The following SNX24 variants were observed in gnomAD, a reference collection of about 807,000 sequenced individuals.
SNX24 encodes sorting nexin-24.
Under a neutral mutation model 28.7 loss-of-function variants are expected in SNX24, and 22 were observed. The ratio of observed to expected loss-of-function variants is 0.77; its 90% CI spans 0.55 to 1.10. The LOEUF (loss-of-function observed/expected upper bound fraction) is 1.10. Among genes scored for constraint, SNX24 ranks in the 50% least tolerant of loss-of-function variants. SNX24 has a pLI of 0.00. For missense variants in SNX24, 221 were observed against 201.1 expected (o/e 1.10, Z -0.60); for synonymous variants, 69 against 71.5 (o/e 0.96, Z 0.18).
At chr5:122,924,316 G>C (rs183419271) in intron 1 of SNX24, among the ~76,000 whole-genome samples, 1 of 152,260 alleles carries the variant, frequency 6.6e-6, no homozygotes, top group East Asian at 1.9e-4. Context: ...CCATTATTAA[G>C]TCAAATAAGA....
intron 1 of SNX24, among the ~76,000 whole-genome samples, chr5:122,884,117 A>G (rs914285859): frequency 2.6e-5 from 4 of 152,200 alleles, no homozygotes; most frequent in African/African-American, 9.7e-5. Flanking sequence ...TAGAATTTGG[A>G]AGTCTCAGAT....
At chr5:122,856,796 A>C (rs941714411) in intron 1 of SNX24, among the ~76,000 whole-genome samples, 1 of 152,034 alleles carries the variant, frequency 6.6e-6, no homozygotes, top group African/African-American at 2.4e-5. Flanking sequence ...GAATACAGGC[A>C]TGAGCTACTG....
chr5:122,936,645 G>A, intron 1 of SNX24, 89 bp from the exon 2 acceptor site: 1 of 742,374 alleles, frequency 1.3e-6, no homozygotes, highest in East Asian at 2.8e-5. Flanking sequence ...TAATTAAAGG[G>A]ATGAAATATA....
chr5:122,889,975 C>A (rs960578625), intron 1 of SNX24, among the ~76,000 whole-genome samples: 2 of 148,002 alleles, frequency 1.4e-5, no homozygotes, highest in Non-Finnish European at 3.0e-5. Flanking sequence ...CTTGCCATGT[C>A]TTTTTAGTCT....
intron 1 of SNX24, among the ~76,000 whole-genome samples, chr5:122,916,371 G>A (rs1758164770): frequency 6.6e-6 from 1 of 152,114 alleles, no homozygotes; most frequent in Non-Finnish European, 1.5e-5. Flanking sequence ...CATTTCCTTG[G>A]CCCCCTCTTA....
intron 1 of SNX24, among the ~76,000 whole-genome samples, chr5:122,889,567 G>A (rs962223302): frequency 2.7e-4 from 40 of 149,818 alleles, no homozygotes; most frequent in East Asian, 2.6e-3. Context: ...CAGGCATTTC[G>A]GATAAGGGAT....
intron 1 of SNX24, among the ~76,000 whole-genome samples, chr5:122,865,975 T>G (rs1412319992): frequency 6.6e-6 from 1 of 152,170 alleles, no homozygotes; most frequent in South Asian, 2.1e-4. Flanking sequence ...ATAAATATTA[T>G]GACATAAAGT....
At chr5:122,948,011 A>G (rs1759764260) in intron 3 of SNX24, among the ~76,000 whole-genome samples, 1 of 152,224 alleles carries the variant, frequency 6.6e-6, no homozygotes. Context: ...TATTCTCAGA[A>G]ATAAGGCTTG....
At chr5:122,913,746 G>A (rs1758025953) in intron 1 of SNX24, among the ~76,000 whole-genome samples, 2 of 152,236 alleles carry the variant, frequency 1.3e-5, no homozygotes, top group African/African-American at 4.8e-5. Flanking sequence ...CACTTTGGGA[G>A]GCCAAGGCAG....
At position 122,981,973 on chromosome 5, in the gene SNX24, A is replaced by T. The variant is rs567000694; in HGVS notation, c.250-17939A>T. 2.0e-5 allele frequency among the ~76,000 whole-genome samples: 3 copies of T among 152,346 alleles called. No individual in the cohort carries two copies. The South Asian group carries it at 6.2e-4, about 32-fold the overall frequency. Reference sequence around the variant, plus strand: ...TGGATTTTGGAACCTGCCCTTCCAGATAGTCAAGAGAAAAAGATAGAAGGC... The same window carrying T: ...TGGATTTTGGAACCTGCCCTTCCAGTTAGTCAAGAGAAAAAGATAGAAGGC... On this transcript the variant is annotated intron_variant, in intron 3 of 6. Transcript: ENST00000261369.
chr5:122,993,902 A>G (rs945500601), intron 3 of SNX24, among the ~76,000 whole-genome samples: 3 of 152,214 alleles, frequency 2.0e-5, no homozygotes, highest in African/African-American at 7.2e-5. Context: ...GCAGCCGGAC[A>G]TTTCAAACCA....
intron 2 of SNX24, among the ~76,000 whole-genome samples, chr5:122,943,539 T>G (rs1358490411): frequency 6.6e-6 from 1 of 152,210 alleles, no homozygotes; most frequent in Non-Finnish European, 1.5e-5. Context: ...CTCGGGGCCC[T>G]CTTCCAAGCT....
chr5:122,889,288 C>T (rs13355954), intron 1 of SNX24, among the ~76,000 whole-genome samples: 82 of 152,156 alleles, frequency 5.4e-4, no homozygotes, highest in Middle Eastern at 3.4e-3. Flanking sequence ...TCCCCCTGCC[C>T]TTCTCTGTTT....
downstream of SNX24, among the ~76,000 whole-genome samples, chr5:123,012,752 T>C (rs796777158): frequency 2.6e-4 from 40 of 152,328 alleles, no homozygotes; most frequent in African/African-American, 9.6e-4. Flanking sequence ...CTGTCTGTCG[T>C]GGGTGCAGGA....
chr5:123,007,964 A>AG lies in SNX24; in HGVS notation c.*216dup. The AG allele has an allele frequency of 7.8e-7, 1 of 1,274,846 alleles. No individual in the cohort carries two copies. The highest frequency in any genetic ancestry group is 9.9e-7 in the Non-Finnish European group (1 of 1,006,440). 79.0% of individuals were successfully genotyped at this position (1,274,846 alleles called of 1,614,324 possible). A position where few individuals can be genotyped will look rare whatever the true frequency, so the allele number is the denominator to read the frequency against. The stretch of plus-strand genomic sequence containing the variant: ...CGGGGCGGTGGTCAGGCTAAGGCCA[A>AG]GTGTTTAAGAAGTAGAGTGTAGCTG... On this transcript the variant is annotated 3_prime_UTR_variant, in exon 7 of 7. Transcript: ENST00000261369.
chr5:122,862,214 A>G (rs1755490922), intron 1 of SNX24, among the ~76,000 whole-genome samples: 1 of 152,180 alleles, frequency 6.6e-6, no homozygotes, highest in Non-Finnish European at 1.5e-5. Context: ...GTGGGACTGA[A>G]GATCCCCAGC....
intron 1 of SNX24, among the ~76,000 whole-genome samples, chr5:122,892,351 A>G (rs760612094): frequency 9.2e-5 from 14 of 152,182 alleles, no homozygotes; most frequent in Non-Finnish European, 1.9e-4. Context: ...AACTAGAGTA[A>G]TGATCTTTGC....
At chr5:122,913,549 G>A (rs1758010264) in intron 1 of SNX24, among the ~76,000 whole-genome samples, 1 of 152,150 alleles carries the variant, frequency 6.6e-6, no homozygotes, top group East Asian at 1.9e-4. Context: ...CTCAGACAGG[G>A]CGGCTGCTGG....
intron 1 of SNX24, among the ~76,000 whole-genome samples, chr5:122,886,066 G>A (rs1756697486): frequency 6.6e-6 from 1 of 152,172 alleles, no homozygotes; most frequent in Non-Finnish European, 1.5e-5. Context: ...CTAGAGGACA[G>A]GGACAGGGTT....
Sources: allele counts gnomAD v4.1 joint callset (sites outside exome capture counted in the v4.1 genomes callset), GRCh38; gene constraint gnomAD v4.1.1; transcripts MANE v1.5; gene names NCBI Gene and HGNC (gene_info 2026-07-23, HGNC 2026-07-21).